The following SHC3 variants were observed in gnomAD, a reference collection of about 807,000 sequenced individuals.
The protein encoded by SHC3 is SHC adaptor protein 3.
A neutral mutation model predicts 60.4 loss-of-function variants in SHC3; 15 were observed. The ratio of observed to expected loss-of-function variants is 0.25; its 90% CI spans 0.17 to 0.38. The LOEUF is 0.38. SHC3 is among the 10% of genes least tolerant of loss of function. The probability of loss-of-function intolerance (pLI) is 1.00; values close to 1 mark genes in which losing one functional copy is unlikely to be tolerated. For missense variants in SHC3, 677 were observed against 786.1 expected (o/e 0.86, Z 1.66); for synonymous variants, 294 against 325.9 (o/e 0.90, Z 1.05).
intron 2 of SHC3, among the ~76,000 whole-genome samples, chr9:89,106,343 T>C (rs1398473473): frequency 6.6e-6 from 1 of 152,256 alleles, no homozygotes; most frequent in East Asian, 1.9e-4. Flanking sequence ...GGGAGCCAAG[T>C]GCTCTGACAC....
intron 1 of SHC3, among the ~76,000 whole-genome samples, chr9:89,159,584 T>A (rs868767055): frequency 1.3e-5 from 2 of 152,222 alleles, no homozygotes; most frequent in South Asian, 4.1e-4. Context: ...TAGATACATA[T>A]ATATAAAGGG....
chr9:89,115,636 A>G (rs1826009380), intron 1 of SHC3, among the ~76,000 whole-genome samples: 4 of 152,292 alleles, frequency 2.6e-5, no homozygotes, highest in Admixed American at 6.5e-5. Flanking sequence ...TACCACAGCA[A>G]TCATCTTAGA....
At chr9:89,061,394 T>G (rs1825087432) in intron 6 of SHC3, among the ~76,000 whole-genome samples, 1 of 152,160 alleles carries the variant, frequency 6.6e-6, no homozygotes, top group South Asian at 2.1e-4. Flanking sequence ...AGAAACTCCT[T>G]TTGTTGAAAC....
At chr9:89,114,185 T>C (rs1825990018) in intron 1 of SHC3, among the ~76,000 whole-genome samples, 1 of 152,170 alleles carries the variant, frequency 6.6e-6, no homozygotes, top group South Asian at 2.1e-4. Flanking sequence ...ATGAGAATTA[T>C]GAAGATACCA....
At chr9:89,153,938 C>T (rs1459616899) in intron 1 of SHC3, among the ~76,000 whole-genome samples, 2 of 152,162 alleles carry the variant, frequency 1.3e-5, no homozygotes, top group Admixed American at 6.5e-5. Flanking sequence ...ACAGACATTC[C>T]CTTCGTTCCT....
At chr9:89,019,526 AT>A (rs780500323) in intron 11 of SHC3, among the ~76,000 whole-genome samples, 5 of 152,252 alleles carry the variant, frequency 3.3e-5, no homozygotes, top group Admixed American at 6.5e-5. Flanking sequence ...AATAAAAAAA[AT>A]CTCCTTGAAC....
intron 11 of SHC3, among the ~76,000 whole-genome samples, chr9:89,019,303 C>T (rs1826159415): frequency 6.6e-6 from 1 of 152,100 alleles, no homozygotes; most frequent in Non-Finnish European, 1.5e-5. Flanking sequence ...TCTAAGGTTT[C>T]ACAGCAGCTT....
chr9:89,081,470 CCT>C (rs1171576818), intron 2 of SHC3, among the ~76,000 whole-genome samples: 1 of 151,992 alleles, frequency 6.6e-6, no homozygotes, highest in Non-Finnish European at 1.5e-5. Context: ...ACCCCCACAC[CCT>C]GAGTGAGTTT....
chr9:89,049,723 A>G (rs1212596014), intron 7 of SHC3, among the ~76,000 whole-genome samples: 1 of 152,242 alleles, frequency 6.6e-6, no homozygotes, highest in Non-Finnish European at 1.5e-5. Context: ...GTGTAAACAG[A>G]CTGTAGCCTA....
intron 9 of SHC3, among the ~76,000 whole-genome samples, chr9:89,043,005 C>T (rs1210317052): frequency 6.6e-6 from 1 of 152,190 alleles, no homozygotes; most frequent in African/African-American, 2.4e-5. Flanking sequence ...TTCTCGGAGT[C>T]TTTTTGTGTG....
At chr9:89,070,542 C>G (rs1346487106) in intron 5 of SHC3, among the ~76,000 whole-genome samples, 1 of 152,180 alleles carries the variant, frequency 6.6e-6, no homozygotes, top group Admixed American at 6.5e-5. Flanking sequence ...GATGACATGG[C>G]CACTCTGAAG....
At chr9:89,057,514 A>T (rs1824975051) in intron 6 of SHC3, among the ~76,000 whole-genome samples, 1 of 152,118 alleles carries the variant, frequency 6.6e-6, no homozygotes, top group African/African-American at 2.4e-5. Flanking sequence ...AGGAGACTTC[A>T]TATACTACCC....
At chr9:89,061,568 G>C (rs534825419) in intron 6 of SHC3, among the ~76,000 whole-genome samples, 1 of 152,350 alleles carries the variant, frequency 6.6e-6, no homozygotes, top group East Asian at 1.9e-4. Flanking sequence ...GTTCAGGCTG[G>C]ATATGTAGGC....
At chr9:89,082,733 C>T (rs1048276572) in intron 2 of SHC3, among the ~76,000 whole-genome samples, 2 of 152,186 alleles carry the variant, frequency 1.3e-5, no homozygotes, top group Non-Finnish European at 2.9e-5. Flanking sequence ...CCTCCTATGC[C>T]CCACGGACCC....
chr9:89,091,141 T>C (rs1564135704), intron 2 of SHC3, among the ~76,000 whole-genome samples: 2 of 152,250 alleles, frequency 1.3e-5, no homozygotes, highest in South Asian at 4.1e-4. Flanking sequence ...ATTGTCATCC[T>C]AATTGATATC....
intron 1 of SHC3, among the ~76,000 whole-genome samples, chr9:89,151,207 A>G (rs181752214): frequency 5.3e-5 from 8 of 152,224 alleles, no homozygotes; most frequent in Non-Finnish European, 1.0e-4. Flanking sequence ...TTTTGTAGAC[A>G]TGAGGTCTCA....
At chr9:89,072,798 C>A (rs1367001781) in intron 4 of SHC3, among the ~76,000 whole-genome samples, 1 of 152,144 alleles carries the variant, frequency 6.6e-6, no homozygotes, top group Non-Finnish European at 1.5e-5. Flanking sequence ...CTCGGGCAGG[C>A]AGTCAGGATT....
chr9:89,063,173 A>G (rs750747474), intron 6 of SHC3, among the ~76,000 whole-genome samples: 10 of 152,194 alleles, frequency 6.6e-5, no homozygotes, highest in Middle Eastern at 3.4e-3. Flanking sequence ...CTCTGTCGCC[A>G]GGCTGGAGTG....
At chr9:89,029,903 T>C (rs966097947) in intron 11 of SHC3, among the ~76,000 whole-genome samples, 4 of 152,080 alleles carry the variant, frequency 2.6e-5, no homozygotes, top group Non-Finnish European at 5.9e-5. Context: ...AAAAGTCAAA[T>C]GGCAGCTATA....
Sources: allele counts gnomAD v4.1 joint callset (sites outside exome capture counted in the v4.1 genomes callset), GRCh38; gene constraint gnomAD v4.1.1; transcripts MANE v1.5; gene names NCBI Gene and HGNC (gene_info 2026-07-23, HGNC 2026-07-21).